CACNA2D3: variants seen among roughly 807,000 people sequenced by gnomAD.
CACNA2D3 encodes calcium voltage-gated channel auxiliary subunit alpha2delta 3.
In CACNA2D3, 60 loss-of-function variants were observed where a neutral mutation model predicts 160.6. That is an observed-to-expected ratio of 0.37 (90% confidence interval 0.30 to 0.46). CACNA2D3 has a LOEUF of 0.46. Ranked by LOEUF, CACNA2D3 falls within the 20% of genes least tolerant of loss-of-function variation. CACNA2D3 has a pLI of 1.00. For missense variants in CACNA2D3, 1,205 were observed against 1,365.0 expected, an observed-to-expected ratio of 0.88 and a Z score of 1.85; for synonymous variants, 558 against 492.9, an observed-to-expected ratio of 1.13 and a Z score of -1.75.
At chr3:54,159,403 TAA>T (rs1700302300) in intron 2 of CACNA2D3, among the ~76,000 whole-genome samples, 1 of 152,214 alleles carries the variant, frequency 6.6e-6, no homozygotes, top group African/African-American at 2.4e-5. Flanking sequence ...TTACACATCA[TAA>T]GAGTCCTTTT....
intron 27 of CACNA2D3, among the ~76,000 whole-genome samples, chr3:54,911,229 G>A (rs12488850): frequency 0.67 from 101,993 of 151,418 alleles, 35,236 homozygotes; most frequent in East Asian, 0.82. Context: ...TGTCTCAAAA[G>A]TGTCATTTAT....
chr3:54,150,071 C>A (rs12489940), intron 2 of CACNA2D3, among the ~76,000 whole-genome samples: 28,005 of 150,174 alleles, frequency 0.19, 2,779 homozygotes, highest in Middle Eastern at 0.29. Context: ...CACACAAGGA[C>A]TAGTAACAGA....
intron 2 of CACNA2D3, among the ~76,000 whole-genome samples, chr3:54,138,688 A>T (rs1390080138): frequency 6.6e-6 from 1 of 152,102 alleles, no homozygotes; most frequent in African/African-American, 2.4e-5. Context: ...CGTTTAAGTT[A>T]ATCCTCATAA....
chr3:55,042,386 T>C (rs982370880), intron 35 of CACNA2D3, among the ~76,000 whole-genome samples: 4 of 152,304 alleles, frequency 2.6e-5, no homozygotes, highest in African/African-American at 9.6e-5. Context: ...TTTTCTGTCT[T>C]ATTTTCACTC....
chr3:54,153,792 C>G (rs1444643744), intron 2 of CACNA2D3, among the ~76,000 whole-genome samples: 1 of 152,190 alleles, frequency 6.6e-6, no homozygotes, highest in Non-Finnish European at 1.5e-5. Flanking sequence ...TTCCAACCCA[C>G]TAAATTAATT....
intron 35 of CACNA2D3, among the ~76,000 whole-genome samples, chr3:55,027,641 T>C (rs1274859090): frequency 4.6e-5 from 7 of 152,212 alleles, no homozygotes; most frequent in Admixed American, 4.6e-4. Context: ...TGTAGGTAAC[T>C]TCAGGTCAGG....
At chr3:54,247,083 G>A (rs1484718779) in intron 2 of CACNA2D3, among the ~76,000 whole-genome samples, 1 of 152,172 alleles carries the variant, frequency 6.6e-6, no homozygotes, top group Non-Finnish European at 1.5e-5. Context: ...AGGCCCAGGT[G>A]GGCGGATCAC....
intron 4 of CACNA2D3, among the ~76,000 whole-genome samples, chr3:54,479,039 C>T (rs1700889534): frequency 6.6e-6 from 1 of 151,788 alleles, no homozygotes. Context: ...CATGTGTTAC[C>T]ATAACACATG....
chr3:54,361,347 C>T (rs2107541504), intron 3 of CACNA2D3, among the ~76,000 whole-genome samples: 1 of 152,180 alleles, frequency 6.6e-6, no homozygotes, highest in Admixed American at 6.5e-5. Flanking sequence ...GGCTGTGTCC[C>T]CTAACATTGC....
intron 5 of CACNA2D3, among the ~76,000 whole-genome samples, chr3:54,540,448 A>T (rs1009447498): frequency 6.6e-6 from 1 of 152,196 alleles, no homozygotes; most frequent in African/African-American, 2.4e-5. Flanking sequence ...ATTTGATATT[A>T]TTTTTCAGAA....
rs138325624 is a variant in CACNA2D3, at chr3:54,516,806, T to C, written c.544+13152T>C. 5.9e-3 allele frequency among the ~76,000 whole-genome samples: 898 copies of C among 152,302 alleles called. 9 individuals carry two copies. The highest frequency in any genetic ancestry group is 0.019 in the African/African-American group (802 of 41,568). On this transcript the variant is annotated intron_variant, in intron 5 of 37. Coordinates refer to ENST00000474759, the MANE Select transcript of CACNA2D3 (RefSeq NM_018398.3). ...GAGACTTTTCTGGGGTAGATTTTCA[T>C]GTTCTCTACTCACTGCTATCAAAGG... is the stretch of plus-strand genomic sequence containing the variant.
rs1703181733 is a variant in CACNA2D3 at position 55,010,342 on chromosome 3, T to C, written c.2875+899T>C. ...TACACCAAACCCTCGAGACATGCAG[T>C]TGACCCGTATAAAAAACCTGCATGT... On this transcript the variant is annotated intron_variant, in intron 34 of 37. Transcript: ENST00000474759. 1.3e-5 allele frequency among the ~76,000 whole-genome samples: 2 copies of C among 151,976 alleles called. 1 individual carries two copies. The highest frequency in any genetic ancestry group is 2.9e-5 in the Non-Finnish European group (2 of 67,994).
chr3:54,602,521 AG>A (rs1559523709), intron 9 of CACNA2D3, among the ~76,000 whole-genome samples: 35 of 143,414 alleles, frequency 2.4e-4, no homozygotes, highest in Admixed American at 6.2e-4. Flanking sequence ...AAAAAAAAAA[AG>A]GGAAAAAAGA....
At position 54,599,760 on chromosome 3, in the gene CACNA2D3, G is replaced by C. The variant is rs6769714; in HGVS notation, c.963+17883G>C. 2.3e-3 allele frequency among the ~76,000 whole-genome samples: 348 copies of C among 152,246 alleles called. 1 individual carries two copies. The highest frequency in any genetic ancestry group is 7.8e-3 in the African/African-American group (326 of 41,544). ...TTAAACTGTTGCTTTTGCTAAACCT[G>C]GTTAAAATGAGCTTTGAGAAATCAC... On this transcript the variant is annotated intron_variant, in intron 9 of 37. Coordinates refer to ENST00000474759, the MANE Select transcript of CACNA2D3 (RefSeq NM_018398.3).
chr3:54,636,847 T>G (rs976953588), intron 10 of CACNA2D3, among the ~76,000 whole-genome samples: 1 of 152,022 alleles, frequency 6.6e-6, no homozygotes, highest in African/African-American at 2.4e-5. Context: ...GGGGGCTGTC[T>G]GTGAAGCCTT....
At position 54,340,294 on chromosome 3, in the gene CACNA2D3, G is replaced by A. The variant is rs548710067; in HGVS notation, c.321+19736G>A. On this transcript the variant is annotated intron_variant, in intron 3 of 37. Transcript: ENST00000474759. ...ACACCCCCCATTCATATCTGCCATT[G>A]ATATTAAGTATCCTCATTTCATCAC... is the stretch of plus-strand genomic sequence containing the variant. Among the ~76,000 whole-genome samples the A allele has an allele frequency of 3.9e-5, 6 of 152,194 alleles. No individual in the cohort carries two copies. The East Asian group carries it at 1.2e-3, about 29-fold the overall frequency.
intron 8 of CACNA2D3, among the ~76,000 whole-genome samples, chr3:54,578,443 C>T (rs1046542522): frequency 1.6e-4 from 24 of 152,180 alleles, no homozygotes; most frequent in African/African-American, 5.1e-4. Context: ...TAAAGGGCTG[C>T]GAGGAGTCTG....
chr3:55,063,876 A>G (rs1238809819), intron 35 of CACNA2D3, among the ~76,000 whole-genome samples: 1 of 152,248 alleles, frequency 6.6e-6, no homozygotes, highest in Non-Finnish European at 1.5e-5. Flanking sequence ...GGTTGGCTTC[A>G]TAATTGGCCA....
chr3:54,296,959 T>TTTC (rs1703356111), intron 2 of CACNA2D3, among the ~76,000 whole-genome samples: 1 of 152,188 alleles, frequency 6.6e-6, no homozygotes, highest in African/African-American at 2.4e-5. Context: ...CAGGGGTACC[T>TTTC]TTCTGCATAC....
Sources: gnomAD v4.1 joint callset for allele counts (sites outside exome capture counted in the v4.1 genomes callset) on GRCh38, gnomAD v4.1.1 for gene constraint, MANE v1.5 for transcripts, NCBI Gene and HGNC (gene_info 2026-07-23, HGNC 2026-07-21) for gene names.